ALMS1: variants seen among roughly 807,000 people sequenced by gnomAD.
ALMS1 encodes centrosome-associated protein ALMS1.
In ALMS1, 271 loss-of-function variants were observed where a neutral mutation model predicts 352.2. That is an observed-to-expected ratio of 0.77 (90% CI 0.70 to 0.85). The LOEUF is 0.85. Among genes scored for constraint, ALMS1 ranks in the 40% least tolerant of loss-of-function variants. ALMS1 has a pLI of 0.00. For missense variants in ALMS1, 5,445 were observed against 4,870.7 expected (o/e 1.12, Z -3.51); for synonymous variants, 1,865 against 1,761.2 (o/e 1.06, Z -1.48).
intron 10 of ALMS1, among the ~76,000 whole-genome samples, chr2:73,497,611 C>T (rs1673136307): frequency 2.0e-5 from 3 of 152,160 alleles, no homozygotes; most frequent in Admixed American, 2.0e-4. Flanking sequence ...AATGTACCTA[C>T]CTTAATTTAA....
At chr2:73,581,615 C>T (rs892253994) in intron 16 of ALMS1, among the ~76,000 whole-genome samples, 1 of 152,186 alleles carries the variant, frequency 6.6e-6, no homozygotes, top group Non-Finnish European at 1.5e-5. Flanking sequence ...GACAGTTTTC[C>T]GTATTTTTTG....
intron 6 of ALMS1, among the ~76,000 whole-genome samples, chr2:73,427,029 G>A (rs548832974): frequency 6.6e-6 from 1 of 151,828 alleles, no homozygotes; most frequent in Non-Finnish European, 1.5e-5. Context: ...TAGTTCTGTG[G>A]TGTCTTGGAA....
Position 73,572,658 on chromosome 2 carries a change from A to G in ALMS1, c.10781A>G (p.His3594Arg), listed in dbSNP as rs1352057849. ...GTCACCCCAGAGCAAACAACTCAGC[A>G]CACTGTGAGTTTGAATGAACTGTGG... The part of the protein sequence containing the change: ...QKVTPEQTTQ[H>R]TVSLNELWNK... The change falls in exon 16 of 23, where the codon CAC (histidine) becomes CGC (arginine). Residue 3594 changes from histidine (H) to arginine (R), a missense_variant. Transcript: ENST00000613296. 1 of 1,613,978 alleles carries G rather than the reference A, an allele frequency of 6.2e-7. No individual in the cohort carries two copies. Among genetic ancestry groups the G allele is most frequent in the African/African-American group, 1.3e-5 (1 of 74,940 alleles).
At chr2:73,416,915 T>C (rs1027199060) in intron 2 of ALMS1, among the ~76,000 whole-genome samples, 3 of 152,066 alleles carry the variant, frequency 2.0e-5, no homozygotes, top group Non-Finnish European at 2.9e-5. Context: ...CTGGGCAACA[T>C]AGTGAGACCC....
At chr2:73,596,597 G>T (rs144419297) in intron 16 of ALMS1, among the ~76,000 whole-genome samples, 1 of 151,658 alleles carries the variant, frequency 6.6e-6, no homozygotes, top group East Asian at 1.9e-4. Context: ...TCAGCCTTCC[G>T]AGTAGCTGGA....
intron 2 of ALMS1, among the ~76,000 whole-genome samples, chr2:73,415,322 A>G (rs1437829907): frequency 6.6e-6 from 1 of 152,232 alleles, no homozygotes; most frequent in African/African-American, 2.4e-5. Flanking sequence ...ATGGGAAATT[A>G]TAAGAATATG....
intron 12 of ALMS1, among the ~76,000 whole-genome samples, chr2:73,544,601 T>C (rs1187648452): frequency 1.3e-5 from 2 of 152,212 alleles, no homozygotes; most frequent in Admixed American, 6.5e-5. Context: ...TGCTTATTGC[T>C]GGTGGGAATG....
intron 2 of ALMS1, among the ~76,000 whole-genome samples, chr2:73,410,361 C>T (rs1256767212): frequency 6.6e-6 from 1 of 152,044 alleles, no homozygotes; most frequent in Non-Finnish European, 1.5e-5. Context: ...TGCACTCCAT[C>T]CTGGGCGATG....
At chr2:73,473,001 T>C (rs1292280367) in intron 9 of ALMS1, among the ~76,000 whole-genome samples, 2 of 152,046 alleles carry the variant, frequency 1.3e-5, no homozygotes, top group African/African-American at 4.8e-5. Context: ...AAGGAACGGT[T>C]GAAAAGGAGA....
At chr2:73,603,011 T>A (rs540200116) in intron 20 of ALMS1, among the ~76,000 whole-genome samples, 1 of 152,340 alleles carries the variant, frequency 6.6e-6, no homozygotes, top group East Asian at 1.9e-4. Context: ...CCGGCCAGAT[T>A]TTTAATTCAA....
intron 9 of ALMS1, among the ~76,000 whole-genome samples, chr2:73,474,251 A>G (rs1015747297): frequency 6.6e-6 from 1 of 152,052 alleles, no homozygotes; most frequent in Non-Finnish European, 1.5e-5. Flanking sequence ...AAAATTGAGA[A>G]TTTTTTTAAA....
intron 10 of ALMS1, among the ~76,000 whole-genome samples, chr2:73,513,091 C>G (rs1418181594): frequency 6.6e-6 from 1 of 152,180 alleles, no homozygotes; most frequent in Non-Finnish European, 1.5e-5. Context: ...AACGAATTCT[C>G]TCATTTCTTG....
intron 15 of ALMS1, among the ~76,000 whole-genome samples, chr2:73,564,318 T>C (rs770250049): frequency 6.6e-6 from 1 of 151,546 alleles, no homozygotes; most frequent in African/African-American, 2.4e-5. Flanking sequence ...ATACAAAATA[T>C]AGCCGGGCAT....
At chr2:73,438,726 C>A (rs1314919312) in intron 7 of ALMS1, among the ~76,000 whole-genome samples, 7 of 152,080 alleles carry the variant, frequency 4.6e-5, no homozygotes. Context: ...AGAAAGAGGC[C>A]AATAGAAAAT....
chr2:73,392,567 C>T (rs1310803459), intron 1 of ALMS1, among the ~76,000 whole-genome samples: 1 of 152,114 alleles, frequency 6.6e-6, no homozygotes, highest in African/African-American at 2.4e-5. Context: ...TATAGATTTA[C>T]CTATTTTGGG....
intron 9 of ALMS1, among the ~76,000 whole-genome samples, chr2:73,473,420 C>A (rs978996487): frequency 3.9e-5 from 6 of 151,998 alleles, no homozygotes; most frequent in Non-Finnish European, 8.8e-5. Context: ...TTACAACAAG[C>A]AGTAACAGCA....
Position 73,453,902 on chromosome 2 carries a change from A to G in ALMS1, c.7375A>G (p.Ser2459Gly). 6.2e-7 allele frequency: 1 copy of G among 1,614,134 alleles called. No individual in the cohort carries two copies. Among genetic ancestry groups the G allele is most frequent in the Admixed American group, 1.7e-5 (1 of 60,006 alleles). ...TTCACCCAAGACAAGTATAACAGAT[A>G]GCAGGGAGGAAGAGGGTGTGTCAGA... is the stretch of plus-strand genomic sequence containing the variant. ...YVSPKTSITD[S>G]REEEGVSESE... Residue 2459 changes from serine (S) to glycine (G), a missense_variant, in exon 8 of 23, where the codon AGC (serine) becomes GGC (glycine). Coordinates refer to ENST00000613296, the MANE Select transcript of ALMS1 (RefSeq NM_001378454.1).
chr2:73,534,188 A>G (rs941570849), intron 11 of ALMS1, among the ~76,000 whole-genome samples: 5 of 152,184 alleles, frequency 3.3e-5, no homozygotes, highest in African/African-American at 1.2e-4. Context: ...ACAGGAAAAG[A>G]TGGGTAAGTT....
In ALMS1 at chr2:73,453,847, T is replaced by C. The variant is rs1672002722; in HGVS notation, c.7320T>C (p.Ser2440=). The C allele has an allele frequency of 6.2e-7, 1 of 1,614,168 alleles. No homozygotes were observed. The highest frequency in any genetic ancestry group is 1.3e-5 in the African/African-American group (1 of 75,048). The change falls in exon 8 of 23, where the codon TCT becomes TCC. Residue 2440 remains serine, a synonymous_variant. Coordinates refer to ENST00000613296, the MANE Select transcript of ALMS1 (RefSeq NM_001378454.1). ...TACCAGAGTCTTTGGAATCAGTTTC[T>C]GATGTTCTTCTAAACTTCTTTCCAT... is the stretch of plus-strand genomic sequence containing the variant. ...SNLPESLESV[S]DVLLNFFPYV...
Sources: allele counts gnomAD v4.1 joint callset (sites outside exome capture counted in the v4.1 genomes callset), GRCh38; gene constraint gnomAD v4.1.1; transcripts MANE v1.5; gene names NCBI Gene and HGNC (gene_info 2026-07-23, HGNC 2026-07-21).